Variants in NAV2 observed in about 807,000 individuals in gnomAD.
NAV2 encodes neuron navigator 2.
In NAV2, 54 loss-of-function variants were observed where a neutral mutation model predicts 223.2. That is an observed-to-expected ratio of 0.24 (90% CI 0.19 to 0.30). The LOEUF is 0.30. Among genes scored for constraint, NAV2 ranks in the 10% least tolerant of loss-of-function variants. The pLI is 1.00. For missense variants in NAV2, 2,806 were observed against 3,147.5 expected (o/e 0.89, Z 2.60); for synonymous variants, 1,279 against 1,239.3 (o/e 1.03, Z -0.67).
chr11:19,759,870 A>G (rs1324364259), intron 1 of NAV2: 1 of 153,094 alleles, frequency 6.5e-6, no homozygotes, highest in African/African-American at 2.4e-5. Context: ...GAAGACACAG[A>G]TGAGTGGTGT....
chr11:19,848,793 T>C (rs994062918), intron 3 of NAV2, among the ~76,000 whole-genome samples: 2 of 152,196 alleles, frequency 1.3e-5, no homozygotes, highest in Non-Finnish European at 2.9e-5. Context: ...ACTCTGCTTT[T>C]GGGTGGGGGC....
intron 1 of NAV2, among the ~76,000 whole-genome samples, chr11:19,604,328 C>T (rs776686274): frequency 4.0e-5 from 6 of 151,886 alleles, no homozygotes; most frequent in Non-Finnish European, 8.8e-5. Flanking sequence ...TGTGTTTAAA[C>T]GTGGCCAGGT....
chr11:19,578,427 A>G lies in NAV2; in HGVS notation c.75+227400A>G, dbSNP rs557425706. Among the ~76,000 whole-genome samples, 50 of 152,320 alleles carry G rather than the reference A, an allele frequency of 3.3e-4. 2 individuals carry two copies. The highest frequency in any genetic ancestry group is 1.2e-3 in the African/African-American group (49 of 41,570). ...CTCTGAGTGCAGCCTGATGTCATTG[A>G]GCCTCTAGAAGGGACATCGACTTGG... On this transcript the variant is annotated intron_variant, in intron 1 of 37. Coordinates refer to the NAV2 transcript ENST00000360655.
At chr11:19,999,272 T>C (rs2052294259) in intron 11 of NAV2, among the ~76,000 whole-genome samples, 1 of 152,242 alleles carries the variant, frequency 6.6e-6, no homozygotes, top group Non-Finnish European at 1.5e-5. Context: ...GAGATAACCA[T>C]GGCCCAACTT....
chr11:19,694,428 GGA>G (rs1382535238), intron 1 of NAV2, among the ~76,000 whole-genome samples: 1 of 152,218 alleles, frequency 6.6e-6, no homozygotes, highest in African/African-American at 2.4e-5. Flanking sequence ...CAAAGCACAG[GGA>G]AGCCAGGGGA....
rs2165725 is a variant in NAV2 at position 19,998,387 on chromosome 11, C to T, written c.2768+14140C>T. On this transcript the variant is annotated intron_variant, in intron 11 of 37. Coordinates refer to ENST00000349880, the MANE Select transcript of NAV2 (RefSeq NM_145117.5). This position sits in a 1 kb window ranked among gnomAD's most constrained non-coding sequence, Gnocchi z 5.0. ...GCTCTCCCACTGCAGCCTTCCAGGCCCACTGTACCCACCAGGGCCTTCATG... is the reference window on the plus strand; with the variant it reads ...GCTCTCCCACTGCAGCCTTCCAGGCTCACTGTACCCACCAGGGCCTTCATG... 1.2e-4 allele frequency among the ~76,000 whole-genome samples: 19 copies of T among 152,232 alleles called. 1 individual carries two copies. The highest frequency in any genetic ancestry group is 4.6e-4 in the Admixed American group (7 of 15,288).
intron 1 of NAV2, among the ~76,000 whole-genome samples, chr11:19,371,029 AG>A (rs1229603629): frequency 6.6e-6 from 1 of 152,212 alleles, no homozygotes; most frequent in African/African-American, 2.4e-5. Context: ...CAGAGAAGCT[AG>A]GGTCTCAGAT....
At chr11:19,524,201 T>G (rs913513189) in intron 1 of NAV2, among the ~76,000 whole-genome samples, 1 of 152,190 alleles carries the variant, frequency 6.6e-6, no homozygotes, top group African/African-American at 2.4e-5. Flanking sequence ...AGCCAGTATT[T>G]GTTGAGTAGA....
chr11:19,585,249 C>T (rs1045804781), intron 1 of NAV2, among the ~76,000 whole-genome samples: 8 of 152,072 alleles, frequency 5.3e-5, no homozygotes, highest in Admixed American at 5.2e-4. Context: ...TTCCTCCATC[C>T]CTTTGTTTTG....
upstream of NAV2, among the ~76,000 whole-genome samples, chr11:19,709,503 T>C (rs1421715465): frequency 3.0e-5 from 4 of 134,356 alleles, no homozygotes; most frequent in Non-Finnish European, 6.1e-5. Flanking sequence ...GCCAATATCG[T>C]GCCACTGCAC....
At chr11:19,853,288 T>C (rs755728754) in intron 3 of NAV2, among the ~76,000 whole-genome samples, 1 of 152,240 alleles carries the variant, frequency 6.6e-6, no homozygotes, top group Non-Finnish European at 1.5e-5. Flanking sequence ...TTTGCTGGGA[T>C]ATGACTGAGC....
intron 11 of NAV2, among the ~76,000 whole-genome samples, chr11:20,015,770 C>A (rs1468355728): frequency 6.6e-6 from 1 of 152,136 alleles, no homozygotes; most frequent in East Asian, 1.9e-4. Context: ...GGAGGAGCGA[C>A]TATAGTGTGG....
chr11:19,785,407 G>A (rs1565312438), intron 1 of NAV2, among the ~76,000 whole-genome samples: 1 of 152,146 alleles, frequency 6.6e-6, no homozygotes, highest in Non-Finnish European at 1.5e-5. Flanking sequence ...TTTGGAAATG[G>A]GCCACAGATG....
intron 1 of NAV2, among the ~76,000 whole-genome samples, chr11:19,520,546 C>T (rs1219578381): frequency 1.3e-5 from 2 of 152,210 alleles, no homozygotes; most frequent in Non-Finnish European, 2.9e-5. Context: ...CATTCAGTGA[C>T]AGCTCCTTCC....
At chr11:19,883,224 A>G (rs1471018878) in intron 5 of NAV2, among the ~76,000 whole-genome samples, 1 of 152,228 alleles carries the variant, frequency 6.6e-6, no homozygotes, top group Non-Finnish European at 1.5e-5. Context: ...ACAACATTCC[A>G]TGAAGTTTGC....
At chr11:19,605,419 T>C (rs1173993909) in intron 1 of NAV2, among the ~76,000 whole-genome samples, 13 of 152,114 alleles carry the variant, frequency 8.5e-5, no homozygotes, top group Admixed American at 7.9e-4. Flanking sequence ...CGTTTCCTCT[T>C]GTCTGTGAAA....
At chr11:19,898,326 T>G (rs1318273246) in intron 6 of NAV2, among the ~76,000 whole-genome samples, 1 of 152,212 alleles carries the variant, frequency 6.6e-6, no homozygotes, top group East Asian at 1.9e-4. Flanking sequence ...TAGCCACTGT[T>G]TATCACTTTG....
intron 1 of NAV2, among the ~76,000 whole-genome samples, chr11:19,579,443 C>T (rs544348313): frequency 1.8e-4 from 28 of 152,212 alleles, no homozygotes; most frequent in East Asian, 9.6e-4. Flanking sequence ...TGGACAGAGA[C>T]GGAGAAAGGG....
chr11:19,711,862 C>T (rs921692614), upstream of NAV2: 1 of 152,274 alleles, frequency 6.6e-6, no homozygotes, highest in African/African-American at 2.4e-5. Context: ...CGTCAAGCCT[C>T]CACCTTACTA....
Sources: gnomAD v4.1 joint callset for allele counts (sites outside exome capture counted in the v4.1 genomes callset) on GRCh38, gnomAD v4.1.1 for gene constraint, Gnocchi (gnomAD v3.1) non-coding constraint, MANE v1.5 for transcripts, NCBI Gene and HGNC (gene_info 2026-07-23, HGNC 2026-07-21) for gene names.